Variants in PTK2B observed in about 807,000 individuals in gnomAD.
PTK2B encodes the protein protein tyrosine kinase 2 beta, also known as protein-tyrosine kinase 2-beta.
In PTK2B, 71 loss-of-function variants were observed where a neutral mutation model predicts 142.9. The ratio of observed to expected loss-of-function variants is 0.50; its 90% CI spans 0.41 to 0.61. The LOEUF is 0.61. Ranked by LOEUF, PTK2B falls within the 20% of genes least tolerant of loss-of-function variation. The probability of loss-of-function intolerance (pLI) is 0.00; values close to 1 mark genes in which losing one functional copy is unlikely to be tolerated. For missense variants in PTK2B, 1,105 were observed against 1,320.4 expected, an observed-to-expected ratio of 0.84 and a Z score of 2.53; for synonymous variants, 519 against 503.4, an observed-to-expected ratio of 1.03 and a Z score of -0.42.
chr8:27,348,457 T>C (rs942870358), intron 1 of PTK2B, among the ~76,000 whole-genome samples: 8 of 152,174 alleles, frequency 5.3e-5, no homozygotes, highest in Non-Finnish European at 1.2e-4. Context: ...ACACACCTCC[T>C]GGAACTCCAG....
chr8:27,433,947 G>T, intron 11 of PTK2B, 146 bp from the exon 12 acceptor site: 1 of 1,117,930 alleles, frequency 8.9e-7, no homozygotes. Context: ...CTGGCCCAAG[G>T]CCTCACTAGC....
At chr8:27,414,003 T>A (rs565121452) in intron 2 of PTK2B, among the ~76,000 whole-genome samples, 2 of 152,356 alleles carry the variant, frequency 1.3e-5, no homozygotes, top group East Asian at 3.9e-4. Flanking sequence ...ACTTAAGTAA[T>A]CCTAGATGTG....
chr8:27,339,191 G>T (rs576779839), intron 1 of PTK2B, among the ~76,000 whole-genome samples: 78 of 152,346 alleles, frequency 5.1e-4, no homozygotes, highest in African/African-American at 1.5e-3. Context: ...GTGATTGCAG[G>T]CCTTGGTCCA....
chr8:27,310,686 G>T, upstream of PTK2B: 1 of 1,236,202 alleles, frequency 8.1e-7, no homozygotes, highest in Non-Finnish European at 1.1e-6. Context: ...TGCATGCTGG[G>T]AGCGAGACGC....
At chr8:27,457,713 G>A (rs751548789) in intron 30 of PTK2B, among the ~76,000 whole-genome samples, 8 of 152,174 alleles carry the variant, frequency 5.3e-5, no homozygotes, top group African/African-American at 1.2e-4. Flanking sequence ...GGTGGCTCAC[G>A]CCTATAATCT....
intron 1 of PTK2B, among the ~76,000 whole-genome samples, chr8:27,382,407 C>T (rs1807082872): frequency 6.6e-6 from 1 of 152,146 alleles, no homozygotes; most frequent in Admixed American, 6.5e-5. Context: ...CTACAGGTTG[C>T]CTGGTCCACT....
chr8:27,349,391 A>G (rs1320598895), intron 1 of PTK2B, among the ~76,000 whole-genome samples: 1 of 152,232 alleles, frequency 6.6e-6, no homozygotes, highest in East Asian at 1.9e-4. Flanking sequence ...GTAATAAACC[A>G]CATGGCATAC....
At chr8:27,361,236 T>C (rs1216291217) in intron 1 of PTK2B, among the ~76,000 whole-genome samples, 1 of 152,168 alleles carries the variant, frequency 6.6e-6, no homozygotes, top group Non-Finnish European at 1.5e-5. Flanking sequence ...TTTGTTTATT[T>C]GATATAGGGT....
At chr8:27,351,458 A>G (rs1387465618) in intron 1 of PTK2B, among the ~76,000 whole-genome samples, 1 of 152,076 alleles carries the variant, frequency 6.6e-6, no homozygotes, top group East Asian at 1.9e-4. Context: ...CATAAAAGTG[A>G]CTTACCTAAG....
intron 12 of PTK2B, among the ~76,000 whole-genome samples, 154 bp downstream of exon 12, chr8:27,434,286 C>A (rs982020505): frequency 5.9e-5 from 9 of 152,206 alleles, no homozygotes; most frequent in Non-Finnish European, 1.0e-4. Context: ...CCAATAAATA[C>A]CTGCAGGAAT....
intron 5 of PTK2B, among the ~76,000 whole-genome samples, chr8:27,424,336 G>C (rs905303514): frequency 3.3e-5 from 5 of 152,184 alleles, no homozygotes; most frequent in African/African-American, 1.2e-4. Context: ...CTGCACTAAT[G>C]TATTGGAGGA....
chr8:27,406,102 G>T (rs1194529457), intron 2 of PTK2B, among the ~76,000 whole-genome samples: 1 of 152,202 alleles, frequency 6.6e-6, no homozygotes, highest in Non-Finnish European at 1.5e-5. Context: ...CCAGCTTCTG[G>T]TAGCTCTAGG....
intron 3 of PTK2B, chr8:27,313,348 T>C (rs553941251): frequency 6.6e-6 from 1 of 152,338 alleles, no homozygotes; most frequent in South Asian, 2.1e-4. Flanking sequence ...CAGTTCTTTA[T>C]AGCAATGTGA....
At chr8:27,422,474 A>G in intron 5 of PTK2B, 91 bp downstream of exon 5, 1 of 1,214,314 alleles carries the variant, frequency 8.2e-7, no homozygotes, top group South Asian at 1.6e-5. Context: ...GGAAGCAGGA[A>G]TGAGTGTGTG....
chr8:27,405,035 C>CTCTCTCTCTCTCTCTCT (rs3076735), intron 2 of PTK2B, among the ~76,000 whole-genome samples: 17 of 119,642 alleles, frequency 1.4e-4, no homozygotes, highest in African/African-American at 2.8e-4. Flanking sequence ...TCTTTCTCTT[C>CTCTCTCTCTCTCTCTCT]CTCTCTCTCT....
At position 27,437,226 on chromosome 8, in the gene PTK2B, A is replaced by T. The variant is rs1326702195; in HGVS notation, c.1426+20A>T. On this transcript the variant is annotated intron_variant, in intron 16 of 30. Transcript: ENST00000346049. ...AGGCAGGTAGGGACCCCTGAGACCA[A>T]CCAGGCCTCCAAGATGGGAGGGGCT... 1 of 1,601,310 alleles carries T rather than the reference A, an allele frequency of 6.2e-7. No individual in the cohort carries two copies. Among genetic ancestry groups the T allele is most frequent in the Non-Finnish European group, 8.6e-7 (1 of 1,168,500 alleles).
intron 27 of PTK2B, 85 bp from the exon 28 acceptor site, chr8:27,453,029 A>G (rs3735758): frequency 0.85 from 1,267,466 of 1,489,738 alleles, 542,140 homozygotes; most frequent in Middle Eastern, 0.93. Context: ...GTAGAGGGGA[A>G]GGGGCTCATT....
intron 7 of PTK2B, 33 bp from the exon 8 acceptor site, chr8:27,430,843 G>A (rs1287198917): frequency 1.9e-6 from 3 of 1,607,114 alleles, no homozygotes; most frequent in Non-Finnish European, 2.6e-6. Context: ...GGGAGGAGCA[G>A]GCATTGCTCA....
At chr8:27,327,078 A>C (rs1421529980) in intron 1 of PTK2B, among the ~76,000 whole-genome samples, 3 of 152,192 alleles carry the variant, frequency 2.0e-5, no homozygotes, top group East Asian at 1.9e-4. Flanking sequence ...ACTAGAAATT[A>C]GCACAAGAGA....
Sources: gnomAD v4.1 joint callset for allele counts (sites outside exome capture counted in the v4.1 genomes callset) on GRCh38, gnomAD v4.1.1 for gene constraint, MANE v1.5 for transcripts, NCBI Gene and HGNC (gene_info 2026-07-23, HGNC 2026-07-21) for gene names.